The following RABGAP1L variants were observed in gnomAD, a reference collection of about 807,000 sequenced individuals.
RABGAP1L encodes the protein RAB GTPase activating protein 1 like.
Under a neutral mutation model 137.7 loss-of-function variants are expected in RABGAP1L, and 63 were observed. That is an observed-to-expected ratio of 0.46 (90% CI 0.37 to 0.56). RABGAP1L has a LOEUF of 0.56. Among genes scored for constraint, RABGAP1L ranks in the 20% least tolerant of loss-of-function variants. The pLI, the probability that RABGAP1L is intolerant of heterozygous loss-of-function variation, is 0.00. For synonymous variants in RABGAP1L, 431 were observed against 433.7 expected (o/e 0.99, Z 0.08); for missense variants, 1,095 against 1,244.0 (o/e 0.88, Z 1.80).
chr1:174,448,295 A>C lies in RABGAP1L; in HGVS notation c.1710+54150A>C, dbSNP rs751350155. ...GATCATTGCTGGGAATCTAACAGTTATCTTTGTCTTTCATTGTGCTCCACT... is the reference window on the plus strand; with the variant it reads ...GATCATTGCTGGGAATCTAACAGTTCTCTTTGTCTTTCATTGTGCTCCACT... On this transcript the variant is annotated intron_variant, in intron 13 of 25. Coordinates refer to ENST00000681986, the MANE Select transcript of RABGAP1L (RefSeq NM_001366446.1). This position sits in a 1 kb window ranked among gnomAD's most constrained non-coding sequence, Gnocchi z 4.2. 4.3e-6 allele frequency: 7 copies of C among 1,613,022 alleles called. No homozygotes were observed. The highest frequency in any genetic ancestry group is 5.9e-6 in the Non-Finnish European group (7 of 1,179,018).
intron 13 of RABGAP1L, among the ~76,000 whole-genome samples, chr1:174,409,622 T>G (rs1229662319): frequency 3.3e-5 from 5 of 152,148 alleles, no homozygotes; most frequent in African/African-American, 1.2e-4. Flanking sequence ...GATGTGCAAG[T>G]AGGGAAGATA....
intron 19 of RABGAP1L, among the ~76,000 whole-genome samples, chr1:174,919,919 G>T (rs1205944215): frequency 1.3e-5 from 2 of 152,134 alleles, no homozygotes; most frequent in Non-Finnish European, 1.5e-5. Context: ...GGTAAGTAGA[G>T]TTATAAAAGT....
chr1:174,619,853 TAAAG>T (rs1343052247), intron 13 of RABGAP1L, among the ~76,000 whole-genome samples: 1 of 152,084 alleles, frequency 6.6e-6, no homozygotes, highest in African/African-American at 2.4e-5. Context: ...GCAAATTGGA[TAAAG>T]AGTCAGGACC....
intron 18 of RABGAP1L, among the ~76,000 whole-genome samples, chr1:174,780,690 G>A (rs1405592591): frequency 6.7e-6 from 1 of 150,040 alleles, no homozygotes; most frequent in Non-Finnish European, 1.5e-5. Flanking sequence ...TTTACATTAG[G>A]TATATCTCCT....
intron 19 of RABGAP1L, among the ~76,000 whole-genome samples, chr1:174,891,791 C>T (rs190426739): frequency 1.1e-3 from 169 of 152,318 alleles, no homozygotes; most frequent in African/African-American, 3.8e-3. Context: ...AGGTGTGAGC[C>T]ACCACACTCA....
At chr1:174,438,747 T>C (rs1653761941) in intron 13 of RABGAP1L, among the ~76,000 whole-genome samples, 1 of 102,826 alleles carries the variant, frequency 9.7e-6, no homozygotes, top group Non-Finnish European at 1.8e-5. Context: ...TGTGTGTGTA[T>C]ATATATATAT....
intron 14 of RABGAP1L, among the ~76,000 whole-genome samples, chr1:174,682,563 A>G (rs1228026239): frequency 1.3e-5 from 2 of 152,116 alleles, no homozygotes; most frequent in Non-Finnish European, 2.9e-5. Context: ...TTACAGAAAA[A>G]GCTTTCTAAC....
intron 1 of RABGAP1L, among the ~76,000 whole-genome samples, chr1:174,184,495 T>C (rs1666646527): frequency 6.6e-6 from 1 of 152,210 alleles, no homozygotes; most frequent in Admixed American, 6.5e-5. Flanking sequence ...AGCTGTATTA[T>C]TTTGCATCCC....
At chr1:174,697,079 C>A (rs1163377271) in intron 15 of RABGAP1L, among the ~76,000 whole-genome samples, 1 of 152,172 alleles carries the variant, frequency 6.6e-6, no homozygotes. Context: ...CCTAGGGAGG[C>A]ACTATACCTT....
chr1:174,694,432 G>A (rs954147557), intron 15 of RABGAP1L, among the ~76,000 whole-genome samples: 3 of 147,548 alleles, frequency 2.0e-5, no homozygotes, highest in Admixed American at 7.1e-5. Flanking sequence ...TCCCACCTAT[G>A]AGGGAGAATA....
Position 174,754,690 on chromosome 1 carries a change from A to G in RABGAP1L, c.2211+2336A>G, listed in dbSNP as rs187948495. Among the ~76,000 whole-genome samples the G allele has an allele frequency of 3.9e-3, 586 of 152,164 alleles. 3 individuals carry two copies. Among genetic ancestry groups the G allele is most frequent in the Middle Eastern group, 0.014 (4 of 294 alleles). ...CTAATTTTAAAAATATTGTAGAGAC[A>G]GGGGTCTCACTATGTTGCTCAGGCT... On this transcript the variant is annotated intron_variant, in intron 18 of 25. Coordinates refer to ENST00000681986, the MANE Select transcript of RABGAP1L (RefSeq NM_001366446.1).
intron 13 of RABGAP1L, among the ~76,000 whole-genome samples, chr1:174,550,975 T>C (rs1401290920): frequency 1.2e-5 from 1 of 82,468 alleles, no homozygotes; most frequent in Non-Finnish European, 2.0e-5. Flanking sequence ...TATATACATG[T>C]ATATATACAT....
At chr1:174,666,985 C>CAA (rs35100174) in intron 14 of RABGAP1L, among the ~76,000 whole-genome samples, 4 of 119,246 alleles carry the variant, frequency 3.4e-5, no homozygotes, top group Admixed American at 8.7e-5. Context: ...AGTTACAAGG[C>CAA]AAAAAAAAAA....
chr1:174,416,021 TA>T (rs1650532669), intron 13 of RABGAP1L, among the ~76,000 whole-genome samples: 2 of 90,018 alleles, frequency 2.2e-5, no homozygotes, highest in Non-Finnish European at 4.2e-5. Context: ...AAAATTTACA[TA>T]TATATATATA....
chr1:174,286,247 C>T (rs1456654270), intron 10 of RABGAP1L, among the ~76,000 whole-genome samples: 1 of 151,982 alleles, frequency 6.6e-6, no homozygotes, highest in Non-Finnish European at 1.5e-5. Flanking sequence ...TCTTATTATT[C>T]TTTATTGGTC....
At chr1:174,314,968 C>T (rs911505984) in intron 11 of RABGAP1L, among the ~76,000 whole-genome samples, 1 of 152,068 alleles carries the variant, frequency 6.6e-6, no homozygotes, top group African/African-American at 2.4e-5. Flanking sequence ...TATTCTGCAG[C>T]CATTGGATGA....
rs117936237 is a variant in RABGAP1L at position 174,597,068 on chromosome 1, A to T, written c.1711-40307A>T. Reference sequence around the variant, plus strand: ...TCCTTACATCCTGGGGATAAATCTCAGTTGATCATGATGAATGATGTTTTT... The same window carrying T: ...TCCTTACATCCTGGGGATAAATCTCTGTTGATCATGATGAATGATGTTTTT... On this transcript the variant is annotated intron_variant, in intron 13 of 25. Transcript: ENST00000681986. Among the ~76,000 whole-genome samples the T allele has an allele frequency of 3.3e-4, 51 of 152,278 alleles. 1 individual carries two copies. The East Asian group carries it at 8.1e-3, about 24-fold the overall frequency.
chr1:174,783,996 TTTC>T (rs1558074921), intron 18 of RABGAP1L, among the ~76,000 whole-genome samples: 17 of 147,748 alleles, frequency 1.2e-4, no homozygotes, highest in East Asian at 6.0e-4. Context: ...GCCGTGAGTT[TTTC>T]TTCTTCTTCT....
chr1:174,900,705 A>G (rs952886472), intron 19 of RABGAP1L, among the ~76,000 whole-genome samples: 1 of 152,068 alleles, frequency 6.6e-6, no homozygotes. Flanking sequence ...TTTTTAGTAG[A>G]GACAGGGTTT....
Sources: allele counts gnomAD v4.1 joint callset (sites outside exome capture counted in the v4.1 genomes callset), GRCh38; gene constraint gnomAD v4.1.1; non-coding constraint Gnocchi (gnomAD v3.1); transcripts MANE v1.5; gene names NCBI Gene and HGNC (gene_info 2026-07-23, HGNC 2026-07-21).